PRKAR2A: variants seen among roughly 807,000 people sequenced by gnomAD.
PRKAR2A encodes protein kinase cAMP-dependent type II regulatory subunit alpha.
Under a neutral mutation model 51.9 loss-of-function variants are expected in PRKAR2A, and 29 were observed. That is an observed-to-expected ratio of 0.56 (90% CI 0.42 to 0.76). The LOEUF (loss-of-function observed/expected upper bound fraction) is 0.76. Among genes scored for constraint, PRKAR2A ranks in the 30% least tolerant of loss-of-function variants. PRKAR2A has a pLI of 0.00. For synonymous variants in PRKAR2A, 178 were observed against 186.2 expected (o/e 0.96, Z 0.36); for missense variants, 445 against 512.1 (o/e 0.87, Z 1.26).
chr3:48,762,152 G>A (rs1206874225), intron 8 of PRKAR2A, among the ~76,000 whole-genome samples: 1 of 152,084 alleles, frequency 6.6e-6, no homozygotes. Flanking sequence ...AGGTGCGGAG[G>A]TGCACACCTA....
intron 5 of PRKAR2A, among the ~76,000 whole-genome samples, chr3:48,781,873 G>A (rs989677836): frequency 3.9e-5 from 6 of 151,920 alleles, no homozygotes; most frequent in Non-Finnish European, 5.9e-5. Context: ...TTCGAACTCC[G>A]GACCTCAAGA....
At chr3:48,803,559 G>A (rs1396516386) in intron 2 of PRKAR2A, among the ~76,000 whole-genome samples, 1 of 152,082 alleles carries the variant, frequency 6.6e-6, no homozygotes, top group African/African-American at 2.4e-5. Context: ...TGAGTAGCTG[G>A]GATTACAGGC....
intron 1 of PRKAR2A, among the ~76,000 whole-genome samples, chr3:48,840,827 C>G (rs995619080): frequency 6.7e-6 from 1 of 149,758 alleles, no homozygotes; most frequent in African/African-American, 2.5e-5. Context: ...CCGCCCACCT[C>G]GGCCTCCCAA....
At chr3:48,779,191 C>T (rs1254778578) in intron 5 of PRKAR2A, among the ~76,000 whole-genome samples, 1 of 151,910 alleles carries the variant, frequency 6.6e-6, no homozygotes, top group Non-Finnish European at 1.5e-5. Context: ...AACTCCTGGG[C>T]TCAGACAATC....
chr3:48,756,243 G>A, intron 9 of PRKAR2A, 136 bp downstream of exon 9: 1 of 693,874 alleles, frequency 1.4e-6, no homozygotes, highest in South Asian at 1.8e-5. Context: ...TACTAAATGG[G>A]CTTAAACATG....
chr3:48,790,535 C>A lies in PRKAR2A; in HGVS notation c.435+9G>T, dbSNP rs750565022. On this transcript the variant is annotated intron_variant, in intron 4 of 10. Transcript: ENST00000265563. ...ATTATAATAAAAATACTTTAGAAAT[C>A]AATGTTACCTGATCAAGATTTTTGA... 6.6e-6 allele frequency: 10 copies of A among 1,514,584 alleles called. No homozygotes were observed. The African/African-American group carries it at 1.1e-4, about 17-fold the overall frequency. The allele number at this position is 1,514,584 out of a possible 1,614,324, so 93.8% of individuals were successfully genotyped here. A position where few individuals can be genotyped will look rare whatever the true frequency, so the allele number is the denominator to read the frequency against.
rs1023309525 is a variant in PRKAR2A, at chr3:48,750,844, C to T, written c.*741G>A. 9.1e-5 allele frequency: 14 copies of T among 153,328 alleles called. No homozygotes were observed. The highest frequency in any genetic ancestry group is 3.4e-4 in the African/African-American group (14 of 41,452). 9.5% of individuals were successfully genotyped at this position (153,328 alleles called of 1,614,324 possible). A position where few individuals can be genotyped will look rare whatever the true frequency, so the allele number is the denominator to read the frequency against. ...CCCACAAAATCCCCAACCCAGAAAA[C>T]GTTTCCTGGCTCTCTACTAACAGTA... On this transcript the variant is annotated 3_prime_UTR_variant, in exon 11 of 11. Transcript: ENST00000265563.
At chr3:48,832,618 A>G (rs1251527531) in intron 1 of PRKAR2A, among the ~76,000 whole-genome samples, 1 of 152,218 alleles carries the variant, frequency 6.6e-6, no homozygotes, top group Non-Finnish European at 1.5e-5. Flanking sequence ...AGCTGTCCCA[A>G]CACCTGTAAT....
intron 1 of PRKAR2A, among the ~76,000 whole-genome samples, chr3:48,820,754 C>T (rs2082947402): frequency 6.6e-6 from 1 of 152,114 alleles, no homozygotes; most frequent in Non-Finnish European, 1.5e-5. Flanking sequence ...AGACAAGTAG[C>T]AGTTCAGCAG....
At chr3:48,766,233 A>T (rs1639849065) in intron 6 of PRKAR2A, among the ~76,000 whole-genome samples, 2 of 151,308 alleles carry the variant, frequency 1.3e-5, no homozygotes, top group South Asian at 4.2e-4. Context: ...AACAATATCA[A>T]CAACAACAAC....
intron 6 of PRKAR2A, among the ~76,000 whole-genome samples, chr3:48,766,656 G>A (rs555655009): frequency 1.3e-5 from 2 of 152,284 alleles, no homozygotes; most frequent in East Asian, 3.9e-4. Flanking sequence ...CAGAAGACAA[G>A]TGCCACATAA....
At position 48,833,717 on chromosome 3, in the gene PRKAR2A, A is replaced by AG. The variant is rs1161040289; in HGVS notation, c.262+13617_262+13618insC. On this transcript the variant is annotated intron_variant, in intron 1 of 10. Transcript: ENST00000265563. The stretch of plus-strand genomic sequence containing the variant: ...AAGAGTGAGACTTGGTCTCAAAAAA[A>AG]AAAAAAAAGAAAGAAAGAAAGAAAA... Among the ~76,000 whole-genome samples, 4 of 150,074 alleles carry AG rather than the reference A, an allele frequency of 2.7e-5. No homozygotes were observed. In the East Asian group the frequency reaches 7.9e-4, roughly 30 times the overall value.
chr3:48,760,666 TAA>T (rs534005882), intron 8 of PRKAR2A, among the ~76,000 whole-genome samples: 34 of 106,852 alleles, frequency 3.2e-4, no homozygotes, highest in Admixed American at 3.9e-4. Flanking sequence ...CTGTCTTTAC[TAA>T]AAAAAAAAAA....
chr3:48,824,717 C>A (rs928186687), intron 1 of PRKAR2A, among the ~76,000 whole-genome samples: 3 of 151,964 alleles, frequency 2.0e-5, no homozygotes, highest in Non-Finnish European at 4.4e-5. Flanking sequence ...GAGGGCGAGG[C>A]GGGAGGATCA....
At chr3:48,846,365 C>G (rs966680169) in intron 1 of PRKAR2A, among the ~76,000 whole-genome samples, 4 of 151,932 alleles carry the variant, frequency 2.6e-5, no homozygotes, top group Non-Finnish European at 5.9e-5. Flanking sequence ...TACAGACGCC[C>G]GCCACCACGC....
At chr3:48,753,078 G>A (rs912068871) in intron 9 of PRKAR2A, among the ~76,000 whole-genome samples, 3 of 151,010 alleles carry the variant, frequency 2.0e-5, no homozygotes, top group East Asian at 1.9e-4. Context: ...GACCACAGGC[G>A]CCCGCCACCA....
At chr3:48,791,194 G>A (rs1006731697) in intron 3 of PRKAR2A, among the ~76,000 whole-genome samples, 1 of 149,572 alleles carries the variant, frequency 6.7e-6, no homozygotes, top group Non-Finnish European at 1.5e-5. Flanking sequence ...GGCTGAGGTA[G>A]GAGAATCGCT....
At position 48,847,425 on chromosome 3, in the gene PRKAR2A, T is replaced by C; in HGVS notation, c.172A>G (p.Ser58Gly). The stretch of plus-strand genomic sequence containing the variant: ...GGTTCTGGCGGGGGGTGGCCCAGGC[T>C]CTGGCGTGGGGTGGCGGCGGGCAGG... ...SVLPAATPRQ[S>G]LGHPPPEPGP... Residue 58 changes from serine (S) to glycine (G), a missense_variant, in exon 1 of 11, where the codon AGC becomes GGC. By Grantham distance (56) the Ser-to-Gly change is moderately conservative (BLOSUM62 0). Transcript: ENST00000265563. This position sits in a 1 kb window ranked among gnomAD's most constrained non-coding sequence, Gnocchi z 4.4. 6.3e-7 allele frequency: 1 copy of C among 1,593,832 alleles called. No homozygotes were observed. Among genetic ancestry groups the C allele is most frequent in the South Asian group, 1.1e-5 (1 of 88,660 alleles).
At chr3:48,808,253 T>C (rs564254192) in intron 1 of PRKAR2A, among the ~76,000 whole-genome samples, 1 of 151,210 alleles carries the variant, frequency 6.6e-6, no homozygotes, top group East Asian at 2.0e-4. Context: ...TTTGTTTTTG[T>C]TTTGTTTTGT....
Sources: gnomAD v4.1 joint callset for allele counts (sites outside exome capture counted in the v4.1 genomes callset) on GRCh38, gnomAD v4.1.1 for gene constraint, Gnocchi (gnomAD v3.1) non-coding constraint, MANE v1.5 for transcripts, NCBI Gene and HGNC (gene_info 2026-07-23, HGNC 2026-07-21) for gene names.